SOX5: variants seen among roughly 807,000 people sequenced by gnomAD.
SOX5 encodes transcription factor SOX-5.
A neutral mutation model predicts 92.0 loss-of-function variants in SOX5; 9 were observed. The ratio of observed to expected loss-of-function variants is 0.10; its 90% CI spans 0.06 to 0.17. The LOEUF (loss-of-function observed/expected upper bound fraction) is 0.17, where lower values mean the gene tolerates loss of function less well. SOX5 is among the 10% of genes least tolerant of loss of function. The pLI is 1.00. For missense variants in SOX5, 642 were observed against 944.5 expected (o/e 0.68, Z 4.20); for synonymous variants, 344 against 336.3 (o/e 1.02, Z -0.25).
At chr12:24,053,367 T>C (rs141045314) in intron 4 of SOX5, among the ~76,000 whole-genome samples, 3,636 of 152,186 alleles carry the variant, frequency 0.024, 144 homozygotes, top group African/African-American at 0.083. Flanking sequence ...CGACCTCAGG[T>C]GATCTGCCCG....
At chr12:23,703,460 G>A (rs1466008237) in intron 6 of SOX5, among the ~76,000 whole-genome samples, 2 of 151,862 alleles carry the variant, frequency 1.3e-5, no homozygotes, top group African/African-American at 2.4e-5. Flanking sequence ...AAATAATTGT[G>A]AAAGTTGCTT....
rs1940052171 is a variant in SOX5 at position 24,063,122 on chromosome 12, G to C, written c.-2+150221C>G. On this transcript the variant is annotated intron_variant, in intron 4 of 4. Transcript: ENST00000446891. ...ATAACAAATTTCAGCCCTTTCTGAA[G>C]AATTCACCCACACACTCACTTCTCC... Among the ~76,000 whole-genome samples the C allele has an allele frequency of 2.6e-5, 4 of 152,124 alleles. No individual in the cohort carries two copies. In the South Asian group the frequency reaches 8.3e-4, roughly 32 times the overall value.
At chr12:24,028,494 C>T (rs926975954) in intron 4 of SOX5, among the ~76,000 whole-genome samples, 3 of 151,958 alleles carry the variant, frequency 2.0e-5, no homozygotes, top group African/African-American at 7.2e-5. Context: ...AAGGAGATGT[C>T]GCACCTTCCT....
intron 2 of SOX5, among the ~76,000 whole-genome samples, chr12:24,326,820 A>G (rs1365002907): frequency 6.6e-6 from 1 of 150,620 alleles, no homozygotes; most frequent in Non-Finnish European, 1.5e-5. Flanking sequence ...AGGTCTACCC[A>G]CCCACTCATT....
At chr12:23,917,738 C>T (rs2097432350) in intron 1 of SOX5, among the ~76,000 whole-genome samples, 1 of 151,998 alleles carries the variant, frequency 6.6e-6, no homozygotes, top group African/African-American at 2.4e-5. Flanking sequence ...ACTAGTCGAC[C>T]TTTCTGGTTC....
chr12:23,806,316 C>A (rs561355368), intron 3 of SOX5, among the ~76,000 whole-genome samples: 75 of 152,204 alleles, frequency 4.9e-4, no homozygotes, highest in African/African-American at 1.7e-3. Flanking sequence ...GACAACCCTG[C>A]CTAACAGAGG....
At position 24,051,214 on chromosome 12, in the gene SOX5, A is replaced by G. The variant is rs149719068; in HGVS notation, c.-1-155190T>C. Among the ~76,000 whole-genome samples, 774 of 152,286 alleles carry G rather than the reference A, an allele frequency of 5.1e-3. 4 individuals are homozygous for G. The highest frequency in any genetic ancestry group is 8.2e-3 in the Non-Finnish European group (559 of 67,982). ...TTTTTTCTTTCACCCAGGTAGTTTT[A>G]TATTAGGTACTAATAAAACTGACTA... On this transcript the variant is annotated intron_variant, in intron 4 of 4. Transcript: ENST00000446891.
chr12:24,291,254 G>T (rs1014807476), intron 2 of SOX5, among the ~76,000 whole-genome samples: 5 of 152,140 alleles, frequency 3.3e-5, no homozygotes, highest in Admixed American at 1.3e-4. Flanking sequence ...AAATTTAAAT[G>T]TTATTTTCTG....
intron 4 of SOX5, among the ~76,000 whole-genome samples, chr12:24,124,562 CAA>C (rs35701853): frequency 1.9e-4 from 26 of 133,656 alleles, no homozygotes; most frequent in South Asian, 4.6e-4. Context: ...AGGAATGGGA[CAA>C]AAAAAAAAAA....
chr12:24,009,143 A>G (rs1952637066), intron 4 of SOX5, among the ~76,000 whole-genome samples: 1 of 152,230 alleles, frequency 6.6e-6, no homozygotes, highest in African/African-American at 2.4e-5. Context: ...CAGCCCAGCC[A>G]TGCCTTCAGA....
intron 4 of SOX5, among the ~76,000 whole-genome samples, chr12:24,064,174 C>T (rs1472407685): frequency 6.6e-6 from 1 of 152,170 alleles, no homozygotes; most frequent in African/African-American, 2.4e-5. Flanking sequence ...ATTCTCTTAG[C>T]GGCTCTTCTA....
chr12:23,915,828 TA>T (rs2097408798), intron 1 of SOX5, among the ~76,000 whole-genome samples: 1 of 152,202 alleles, frequency 6.6e-6, no homozygotes, highest in Non-Finnish European at 1.5e-5. Flanking sequence ...GCTATTCACA[TA>T]AACAGTGGTT....
At chr12:24,359,381 C>A (rs1955248261) in intron 2 of SOX5, among the ~76,000 whole-genome samples, 1 of 152,168 alleles carries the variant, frequency 6.6e-6, no homozygotes, top group Non-Finnish European at 1.5e-5. Flanking sequence ...TGAGTTAGGA[C>A]ACACACCACA....
intron 1 of SOX5, among the ~76,000 whole-genome samples, chr12:23,902,729 A>C (rs2097249776): frequency 6.6e-6 from 1 of 152,074 alleles, no homozygotes; most frequent in Non-Finnish European, 1.5e-5. Context: ...GTTTTTGACC[A>C]TTTCACTTTA....
In SOX5 at chr12:24,140,010, T is replaced by G. The variant is rs372658460; in HGVS notation, c.-2+73333A>C. On this transcript the variant is annotated intron_variant, in intron 4 of 4. Coordinates refer to the SOX5 transcript ENST00000446891. ...CAGATTCCACTTATCAGGGTTTGTT[T>G]GTTTGTTTGTTTTTCCTAAATGAAC... Among the ~76,000 whole-genome samples, 164 of 152,310 alleles carry G rather than the reference T, an allele frequency of 1.1e-3. 3 individuals carry two copies. The South Asian group carries it at 0.031, about 29-fold the overall frequency.
chr12:23,652,792 G>C (rs1183276138), intron 7 of SOX5, among the ~76,000 whole-genome samples: 23 of 151,910 alleles, frequency 1.5e-4, no homozygotes. Context: ...TTCTCAATCA[G>C]TCTCCCAGGC....
chr12:23,672,453 C>T (rs796756750), intron 6 of SOX5, among the ~76,000 whole-genome samples: 1 of 151,952 alleles, frequency 6.6e-6, no homozygotes, highest in East Asian at 1.9e-4. Flanking sequence ...CACCAAAGGG[C>T]CCCTGGGCCC....
chr12:23,997,453 C>A (rs898387517), intron 4 of SOX5, among the ~76,000 whole-genome samples: 24 of 152,158 alleles, frequency 1.6e-4, no homozygotes, highest in Admixed American at 1.1e-3. Flanking sequence ...GACCTGCCTA[C>A]AGTCAGAAAT....
At chr12:23,750,830 A>G (rs1202824349) in intron 4 of SOX5, among the ~76,000 whole-genome samples, 1 of 151,898 alleles carries the variant, frequency 6.6e-6, no homozygotes, top group East Asian at 1.9e-4. Flanking sequence ...CTGTCAATAT[A>G]CAGCTCAATT....
Sources: gnomAD v4.1 joint callset for allele counts (sites outside exome capture counted in the v4.1 genomes callset) on GRCh38, gnomAD v4.1.1 for gene constraint, MANE v1.5 for transcripts, NCBI Gene and HGNC (gene_info 2026-07-23, HGNC 2026-07-21) for gene names.